PARD3B: variants seen among roughly 807,000 people sequenced by gnomAD.
PARD3B encodes par-3 family cell polarity regulator beta.
Under a neutral mutation model 130.2 loss-of-function variants are expected in PARD3B, and 103 were observed. The observed-to-expected ratio is 0.79, with a 90% CI of 0.67 to 0.93. The LOEUF (loss-of-function observed/expected upper bound fraction) is 0.93, where lower values mean the gene tolerates loss of function less well. PARD3B is among the 40% of genes least tolerant of loss of function. The pLI, the probability that PARD3B is intolerant of heterozygous loss-of-function variation, is 0.00. For missense variants in PARD3B, 1,609 were observed against 1,499.2 expected (o/e 1.07, Z -1.21); for synonymous variants, 583 against 553.2 (o/e 1.05, Z -0.76).
chr2:204,620,987 C>T (rs1003788418), intron 1 of PARD3B, among the ~76,000 whole-genome samples: 10 of 152,174 alleles, frequency 6.6e-5, no homozygotes, highest in African/African-American at 2.4e-4. Context: ...ACCTGTGTTT[C>T]ACTGTAATGT....
chr2:205,320,388 A>G (rs2042712603), intron 18 of PARD3B, among the ~76,000 whole-genome samples: 1 of 152,162 alleles, frequency 6.6e-6, no homozygotes, highest in South Asian at 2.1e-4. Flanking sequence ...TATGTGTTAG[A>G]ATGTACTAGT....
At chr2:204,592,747 A>T (rs1357941657) in intron 1 of PARD3B, among the ~76,000 whole-genome samples, 1 of 152,166 alleles carries the variant, frequency 6.6e-6, no homozygotes, top group Admixed American at 6.6e-5. Context: ...TCTTCCCCAA[A>T]GAAACCCCAC....
intron 3 of PARD3B, among the ~76,000 whole-genome samples, chr2:205,044,257 A>T (rs1274517184): frequency 4.0e-5 from 6 of 148,638 alleles, no homozygotes; most frequent in Non-Finnish European, 7.5e-5. Context: ...ATAATGCCGC[A>T]ATAAACATAC....
intron 16 of PARD3B, among the ~76,000 whole-genome samples, chr2:205,296,746 G>T (rs1034534899): frequency 6.6e-6 from 1 of 151,540 alleles, no homozygotes; most frequent in East Asian, 2.0e-4. Context: ...GGTAGTAGGG[G>T]ATGTATCGGA....
In PARD3B at chr2:205,592,662, A is replaced by G. The variant is rs2054429345; in HGVS notation, c.3261-22794A>G. ...TTTTCATGATCTTATATATCTTACC[A>G]TATAAATCTAAATCAATCATAACGT... On this transcript the variant is annotated intron_variant, in intron 22 of 22. Coordinates refer to ENST00000406610, the MANE Select transcript of PARD3B (RefSeq NM_001302769.2). This position sits in a 1 kb window ranked among gnomAD's most constrained non-coding sequence, Gnocchi z 4.5. 6.6e-6 allele frequency among the ~76,000 whole-genome samples: 1 copy of G among 152,252 alleles called. No individual in the cohort carries two copies. The highest frequency in any genetic ancestry group is 2.4e-5 in the African/African-American group (1 of 41,476).
intron 2 of PARD3B, among the ~76,000 whole-genome samples, chr2:204,784,585 C>G (rs548987223): frequency 6.6e-6 from 1 of 152,220 alleles, no homozygotes; most frequent in South Asian, 2.1e-4. Context: ...TGGAAACCAA[C>G]AGTAAGAAGA....
chr2:204,965,398 CT>C, intron 3 of PARD3B, 75 bp downstream of exon 3: 1 of 1,397,384 alleles, frequency 7.2e-7, no homozygotes, highest in Non-Finnish European at 9.9e-7. Flanking sequence ...ATTGTTTCTT[CT>C]TTGTGACTTT....
intron 1 of PARD3B, among the ~76,000 whole-genome samples, chr2:204,638,543 G>T (rs532105287): frequency 3.5e-4 from 54 of 152,190 alleles, no homozygotes; most frequent in African/African-American, 1.2e-3. Context: ...ACTGGACTTC[G>T]GAATGGTATT....
At chr2:205,034,749 A>G (rs1455454695) in intron 3 of PARD3B, among the ~76,000 whole-genome samples, 2 of 152,154 alleles carry the variant, frequency 1.3e-5, no homozygotes, top group Non-Finnish European at 2.9e-5. Flanking sequence ...AAGTTAACAT[A>G]CTAGAGATGA....
At chr2:204,588,174 G>T (rs1257488265) in intron 1 of PARD3B, among the ~76,000 whole-genome samples, 1 of 152,178 alleles carries the variant, frequency 6.6e-6, no homozygotes, top group Non-Finnish European at 1.5e-5. Flanking sequence ...TGATGTTGAT[G>T]TGCAGACTGG....
Position 204,678,222 on chromosome 2 carries a change from G to A in PARD3B, c.121-7959G>A, listed in dbSNP as rs1456491781. Among the ~76,000 whole-genome samples the A allele has an allele frequency of 6.6e-6, 1 of 152,176 alleles. No individual in the cohort carries two copies. The highest frequency in any genetic ancestry group is 1.5e-5 in the Non-Finnish European group (1 of 68,026). On this transcript the variant is annotated intron_variant, in intron 1 of 22. Coordinates refer to ENST00000406610, the MANE Select transcript of PARD3B (RefSeq NM_001302769.2). This position sits in a 1 kb window ranked among gnomAD's most constrained non-coding sequence, Gnocchi z 4.2. The stretch of plus-strand genomic sequence containing the variant: ...GCAGGACCTGGGGCAAGTGCCTTTA[G>A]GTGCTGGCAGGACCAAACCCAGTAA...
chr2:204,939,875 G>A (rs1162897765), intron 2 of PARD3B, among the ~76,000 whole-genome samples: 1 of 152,072 alleles, frequency 6.6e-6, no homozygotes, highest in East Asian at 1.9e-4. Context: ...CAATCAGAAT[G>A]CTTTTCTCAA....
chr2:204,549,342 A>G (rs1016292692), intron 1 of PARD3B, among the ~76,000 whole-genome samples: 16 of 152,164 alleles, frequency 1.1e-4, no homozygotes, highest in African/African-American at 3.4e-4. Context: ...TGAAGTTGTT[A>G]GTGGAGAAGT....
intron 2 of PARD3B, among the ~76,000 whole-genome samples, chr2:204,746,825 G>C (rs1253069410): frequency 1.2e-4 from 18 of 151,882 alleles, no homozygotes; most frequent in Admixed American, 1.2e-3. Context: ...TTGTGATGGG[G>C]TTGTTTTTTT....
intron 15 of PARD3B, among the ~76,000 whole-genome samples, chr2:205,196,111 TC>T (rs1191740501): frequency 6.6e-6 from 1 of 152,156 alleles, no homozygotes; most frequent in African/African-American, 2.4e-5. Context: ...GCCTCCTTAT[TC>T]CCATCCCTTT....
At chr2:205,404,108 A>G (rs72946045) in intron 19 of PARD3B, among the ~76,000 whole-genome samples, 3,559 of 152,278 alleles carry the variant, frequency 0.023, 69 homozygotes, top group Non-Finnish European at 0.036. Flanking sequence ...AACCACTACT[A>G]ATATTTTATA....
Position 204,881,435 on chromosome 2 carries a change from C to T in PARD3B, c.223-83717C>T, listed in dbSNP as rs1408891764. ...TATTTTATACATTATATGTTGACAA[C>T]GTAACATTTAAATTTTTGCTTAATA... On this transcript the variant is annotated intron_variant, in intron 2 of 22. Coordinates refer to ENST00000406610, the MANE Select transcript of PARD3B (RefSeq NM_001302769.2). 3.3e-5 allele frequency among the ~76,000 whole-genome samples: 5 copies of T among 151,664 alleles called. No individual in the cohort carries two copies. In the East Asian group the frequency reaches 5.8e-4, roughly 18 times the overall value.
Position 204,599,214 on chromosome 2 carries a change from C to T in PARD3B, c.120+53095C>T, listed in dbSNP as rs182454874. Among the ~76,000 whole-genome samples the T allele has an allele frequency of 3.2e-3, 481 of 152,046 alleles. 5 individuals are homozygous for T. The highest frequency in any genetic ancestry group is 0.011 in the African/African-American group (453 of 41,542). ...TTGGAAACATTCAATATCCTCTTTT[C>T]TAGCTATTTGAAAATATATGTTATT... On this transcript the variant is annotated intron_variant, in intron 1 of 22. Transcript: ENST00000406610.
Position 205,523,245 on chromosome 2 carries a change from A to ATATATATATATATATATATATT in PARD3B, c.3180+23227_3180+23228insATATATATTTATATATATATAT, listed in dbSNP as rs1559176291. On this transcript the variant is annotated intron_variant, in intron 21 of 22. Coordinates refer to ENST00000406610, the MANE Select transcript of PARD3B (RefSeq NM_001302769.2). Reference sequence around the variant, plus strand: ...TGTGTGTATATATATATATATATTTATATATATATATATTTTTGAGATGGA... The same window carrying ATATATATATATATATATATATT: ...TGTGTGTATATATATATATATATTTATATATATATATATATATATATTTATATATATATATTTTTGAGATGGA... Among the ~76,000 whole-genome samples, 55 of 145,110 alleles carry ATATATATATATATATATATATT rather than the reference A, an allele frequency of 3.8e-4. No homozygotes were observed. The East Asian group carries it at 9.8e-3, about 26-fold the overall frequency.
Sources: gnomAD v4.1 joint callset for allele counts (sites outside exome capture counted in the v4.1 genomes callset) on GRCh38, gnomAD v4.1.1 for gene constraint, Gnocchi (gnomAD v3.1) non-coding constraint, MANE v1.5 for transcripts, NCBI Gene and HGNC (gene_info 2026-07-23, HGNC 2026-07-21) for gene names.